The following NDUFAF1 variants were observed in gnomAD, a reference collection of about 807,000 sequenced individuals.
NDUFAF1 encodes the protein complex I intermediate-associated protein 30, mitochondrial.
Under a neutral mutation model 28.7 loss-of-function variants are expected in NDUFAF1, and 18 were observed. That is an observed-to-expected ratio of 0.63 (90% confidence interval 0.43 to 0.93). NDUFAF1 has a LOEUF of 0.93. Among genes scored for constraint, NDUFAF1 ranks in the 40% least tolerant of loss-of-function variants. The pLI is 0.00. For synonymous variants in NDUFAF1, 113 were observed against 139.7 expected (o/e 0.81, Z 1.35); for missense variants, 404 against 398.3 (o/e 1.01, Z -0.12).
At chr15:41,394,685 G>A (rs1443921727) in intron 3 of NDUFAF1, among the ~76,000 whole-genome samples, 174 bp downstream of exon 3, 1 of 135,290 alleles carries the variant, frequency 7.4e-6, no homozygotes, top group African/African-American at 2.9e-5. Flanking sequence ...CCAGGCTGGA[G>A]TACAATGGCA....
chr15:41,391,894 G>A (rs150189507), intron 3 of NDUFAF1, among the ~76,000 whole-genome samples: 2 of 152,062 alleles, frequency 1.3e-5, no homozygotes, highest in East Asian at 3.9e-4. Flanking sequence ...AACACTAAGT[G>A]CAAAGCTCTG....
upstream of NDUFAF1, among the ~76,000 whole-genome samples, chr15:41,402,773 C>T (rs1040379595): frequency 4.0e-5 from 6 of 149,154 alleles, no homozygotes; most frequent in African/African-American, 1.2e-4. Flanking sequence ...GCTCTGTCGC[C>T]CAGGCTGGAG....
intron 1 of NDUFAF1, 145 bp from the exon 2 acceptor site, chr15:41,397,285 CTG>C: frequency 1.9e-6 from 1 of 523,730 alleles, no homozygotes; most frequent in African/African-American, 1.9e-5. Context: ...AGGTCTTGCT[CTG>C]TGGCCCAGGC....
chr15:41,394,958 C>T lies in NDUFAF1; in HGVS notation c.660G>A (p.Met220Ile). Residue 220 changes from methionine to isoleucine, a missense_variant, in exon 3 of 5, where the codon ATG becomes ATA. Physicochemically the swap from Met to Ile is conservative, Grantham distance 10. Coordinates refer to ENST00000260361, the MANE Select transcript of NDUFAF1 (RefSeq NM_016013.4). ...AATCTGTGTCCTCCTTGATATTCAC[C>T]ATCCAAGGCCGACCATCCCCACGTA... ...LRVRGDGRPW[M>I]VNIKEDTDFF... 1.2e-6 allele frequency: 2 copies of T among 1,614,112 alleles called. No individual in the cohort carries two copies. The highest frequency in any genetic ancestry group is 1.7e-6 in the Non-Finnish European group (2 of 1,180,000).
intron 2 of NDUFAF1, among the ~76,000 whole-genome samples, 183 bp downstream of exon 2, chr15:41,396,304 C>T (rs190556176): frequency 2.0e-5 from 3 of 152,252 alleles, no homozygotes; most frequent in African/African-American, 7.2e-5. Context: ...GAAACCACTT[C>T]CCCCTTGTGC....
rs1448469974 is a variant in NDUFAF1, at chr15:41,397,082, A to C, written c.-23T>G. The C allele has an allele frequency of 1.2e-6, 2 of 1,610,452 alleles. No homozygotes were observed. The highest frequency in any genetic ancestry group is 2.2e-5 in the East Asian group (1 of 44,882). ...CATGGTACAAAAAAATCAAAATGTA[A>C]GTTTCTTCCTGGGCTAGCAAGGGCC... is the stretch of plus-strand genomic sequence containing the variant. On this transcript the variant is annotated 5_prime_UTR_variant, in exon 2 of 5. Transcript: ENST00000260361.
chr15:41,400,516 C>A (rs1221492036), intron 1 of NDUFAF1, among the ~76,000 whole-genome samples: 1 of 150,982 alleles, frequency 6.6e-6, no homozygotes. Flanking sequence ...GAATACCACT[C>A]CTAATACTTT....
intron 4 of NDUFAF1, among the ~76,000 whole-genome samples, chr15:41,387,866 A>C (rs1955943415): frequency 1.3e-5 from 2 of 152,250 alleles, no homozygotes; most frequent in South Asian, 4.1e-4. Context: ...CTGTAATCCC[A>C]ACACTGGGAG....
intron 3 of NDUFAF1, among the ~76,000 whole-genome samples, chr15:41,391,301 G>A (rs1209247028): frequency 6.6e-6 from 1 of 151,948 alleles, no homozygotes; most frequent in Non-Finnish European, 1.5e-5. Flanking sequence ...AACAATATAA[G>A]CAAGATCTCT....
At chr15:41,398,966 A>C (rs1034298311) in intron 1 of NDUFAF1, among the ~76,000 whole-genome samples, 1 of 151,654 alleles carries the variant, frequency 6.6e-6, no homozygotes, top group South Asian at 2.1e-4. Context: ...CAAAAAAAAT[A>C]AAAAAACCAA....
intron 1 of NDUFAF1, among the ~76,000 whole-genome samples, chr15:41,399,757 G>A (rs1422841049): frequency 1.4e-5 from 2 of 148,132 alleles, no homozygotes; most frequent in Non-Finnish European, 3.0e-5. Flanking sequence ...TCGGGAGGCT[G>A]AGGCAGGAGA....
intron 1 of NDUFAF1, among the ~76,000 whole-genome samples, chr15:41,401,267 C>CTTTTTTTTTTTT (rs755063294): frequency 9.0e-6 from 1 of 111,228 alleles, no homozygotes. Context: ...GGCGCCCAAC[C>CTTTTTTTTTTTT]TTTTTTTTTT....
At chr15:41,394,827 T>C in intron 3 of NDUFAF1, 32 bp downstream of exon 3, 1 of 1,612,506 alleles carries the variant, frequency 6.2e-7, no homozygotes, top group Non-Finnish European at 8.5e-7. Flanking sequence ...CAAGACCTCA[T>C]TTTTATAAAC....
At chr15:41,389,227 C>G (rs1001037973) in intron 3 of NDUFAF1, among the ~76,000 whole-genome samples, 1 of 150,078 alleles carries the variant, frequency 6.7e-6, no homozygotes, top group Non-Finnish European at 1.5e-5. Flanking sequence ...GGACTATAGG[C>G]GCACACCACC....
chr15:41,391,551 A>G (rs2050316455), intron 3 of NDUFAF1, among the ~76,000 whole-genome samples: 1 of 151,440 alleles, frequency 6.6e-6, no homozygotes, highest in Non-Finnish European at 1.5e-5. Flanking sequence ...AGGTTGCCGT[A>G]AGCTGGAATC....
At chr15:41,393,107 G>C (rs550961974) in intron 3 of NDUFAF1, among the ~76,000 whole-genome samples, 1 of 151,322 alleles carries the variant, frequency 6.6e-6, no homozygotes, top group East Asian at 1.9e-4. Flanking sequence ...GCAAAATGGG[G>C]ACTTTCTTGT....
At chr15:41,395,940 T>C (rs2050381526) in intron 2 of NDUFAF1, among the ~76,000 whole-genome samples, 1 of 151,602 alleles carries the variant, frequency 6.6e-6, no homozygotes. Context: ...ATACAAAAAT[T>C]AGCTGGGCGT....
chr15:41,390,679 C>T (rs1220272448), intron 3 of NDUFAF1, among the ~76,000 whole-genome samples: 4 of 149,262 alleles, frequency 2.7e-5, no homozygotes, highest in African/African-American at 7.4e-5. Context: ...GAGCAGAGAT[C>T]GTGCCACTGC....
At chr15:41,397,881 T>C (rs1316594244) in intron 1 of NDUFAF1, among the ~76,000 whole-genome samples, 7 of 148,230 alleles carry the variant, frequency 4.7e-5, no homozygotes, top group Non-Finnish European at 7.4e-5. Flanking sequence ...AAAACTTAGC[T>C]GGGTGTGGTG....
Sources: gnomAD v4.1 joint callset for allele counts (sites outside exome capture counted in the v4.1 genomes callset) on GRCh38, gnomAD v4.1.1 for gene constraint, MANE v1.5 for transcripts, NCBI Gene and HGNC (gene_info 2026-07-23, HGNC 2026-07-21) for gene names.